SLC17A5: variants seen among roughly 807,000 people sequenced by gnomAD.
SLC17A5 encodes the protein sialin.
Under a neutral mutation model 59.4 loss-of-function variants are expected in SLC17A5, and 47 were observed. The ratio of observed to expected loss-of-function variants is 0.79; its 90% CI spans 0.63 to 1.01. SLC17A5 has a LOEUF of 1.01. SLC17A5 is among the 50% of genes least tolerant of loss of function. The probability of loss-of-function intolerance (pLI) is 0.00; values close to 1 mark genes in which losing one functional copy is unlikely to be tolerated. For missense variants in SLC17A5, 522 were observed against 595.5 expected, an observed-to-expected ratio of 0.88 and a Z score of 1.28; for synonymous variants, 202 against 210.7, an observed-to-expected ratio of 0.96 and a Z score of 0.36.
At chr6:73,595,261 A>G (rs1275314090) in intron 10 of SLC17A5, 47 bp from the exon 11 acceptor site, 3 of 1,601,936 alleles carry the variant, frequency 1.9e-6, no homozygotes, top group Non-Finnish European at 2.6e-6. Context: ...TTTTGTGTGT[A>G]GTTCACTTCA....
chr6:73,595,261 A>T, intron 10 of SLC17A5, 47 bp from the exon 11 acceptor site: 2 of 1,601,936 alleles, frequency 1.2e-6, no homozygotes, highest in Non-Finnish European at 1.7e-6. Flanking sequence ...TTTTGTGTGT[A>T]GTTCACTTCA....
rs1163170650 is a variant in SLC17A5 at position 73,632,434 on chromosome 6, C to CTTTTTTT, written c.819+2941_819+2947dup. 4.5e-4 allele frequency among the ~76,000 whole-genome samples: 39 copies of CTTTTTTT among 86,786 alleles called. 3 individuals are homozygous for CTTTTTTT. The highest frequency in any genetic ancestry group is 6.6e-4 in the Non-Finnish European group (29 of 43,762). 56.9% of individuals were successfully genotyped at this position (86,786 alleles called of 152,430 possible). On this transcript the variant is annotated intron_variant, in intron 6 of 10. Transcript: ENST00000355773. Reference sequence around the variant, plus strand: ...AAGACACATATCGATGTAGAGAAAGCTTTTTTTTTTTTTTTTTTTTTTTTT... The same window carrying CTTTTTTT: ...AAGACACATATCGATGTAGAGAAAGCTTTTTTTTTTTTTTTTTTTTTTTTTTTTTTTT...
chr6:73,599,828 C>T (rs1368506077), intron 10 of SLC17A5, among the ~76,000 whole-genome samples: 1 of 149,552 alleles, frequency 6.7e-6, no homozygotes, highest in Non-Finnish European at 1.5e-5. Context: ...GAGACGGAGT[C>T]TTGCTCTGTT....
At position 73,624,375 on chromosome 6, in the gene SLC17A5, G is replaced by A. The variant is rs186686569; in HGVS notation, c.820-2413C>T. ...GCTGAGATCACGCTACTGCACTCCC[G>A]CCTGGGCGACAGAGCGAGACTCTGT... On this transcript the variant is annotated intron_variant, in intron 6 of 10. Transcript: ENST00000355773. Among the ~76,000 whole-genome samples, 534 of 152,246 alleles carry A rather than the reference G, an allele frequency of 3.5e-3. 3 individuals are homozygous for A. The highest frequency in any genetic ancestry group is 0.012 in the African/African-American group (504 of 41,560).
chr6:73,636,729 TTTTA>T, intron 4 of SLC17A5, 22 bp from the exon 5 acceptor site: 1 of 1,527,396 alleles, frequency 6.5e-7, no homozygotes, highest in Middle Eastern at 1.7e-4. Context: ...CATAAGACTA[TTTTA>T]TAAACTTTGG....
At chr6:73,602,089 T>C (rs1372983124) in intron 9 of SLC17A5, among the ~76,000 whole-genome samples, 1 of 151,916 alleles carries the variant, frequency 6.6e-6, no homozygotes, top group Non-Finnish European at 1.5e-5. Flanking sequence ...TTTTGTTCTG[T>C]ACTAAGATAC....
intron 7 of SLC17A5, among the ~76,000 whole-genome samples, chr6:73,616,309 G>A (rs999748336): frequency 6.6e-6 from 1 of 151,950 alleles, no homozygotes; most frequent in Non-Finnish European, 1.5e-5. Flanking sequence ...CATTAACCTC[G>A]TTTTGGTGTA....
Position 73,653,908 on chromosome 6 carries a change from A to G in SLC17A5, c.-22T>C. Reference sequence around the variant, plus strand: ...TCATGACGCCTACGTGAGCAGGTGTACTCGCCACCTGGCAGAGAAGGGAGC... The same window carrying G: ...TCATGACGCCTACGTGAGCAGGTGTGCTCGCCACCTGGCAGAGAAGGGAGC... On this transcript the variant is annotated 5_prime_UTR_variant, in exon 1 of 11. Transcript: ENST00000355773. 2 of 1,583,626 alleles carry G rather than the reference A, an allele frequency of 1.3e-6. No individual in the cohort carries two copies. Among genetic ancestry groups the G allele is most frequent in the Non-Finnish European group, 1.7e-6 (2 of 1,162,630 alleles).
chr6:73,650,396 C>A (rs1769797555), intron 1 of SLC17A5, among the ~76,000 whole-genome samples: 1 of 148,656 alleles, frequency 6.7e-6, no homozygotes, highest in Admixed American at 6.8e-5. Context: ...GTAGTCCCAG[C>A]TACTCGGAGG....
At chr6:73,623,665 TA>T (rs1434563027) in intron 6 of SLC17A5, among the ~76,000 whole-genome samples, 14 of 18,698 alleles carry the variant, frequency 7.5e-4, no homozygotes, top group South Asian at 2.1e-3. Flanking sequence ...CTTTTATTTT[TA>T]TTTATTTATT....
At chr6:73,630,219 C>A (rs1261746227) in intron 6 of SLC17A5, among the ~76,000 whole-genome samples, 6 of 152,148 alleles carry the variant, frequency 3.9e-5, no homozygotes. Context: ...TCTCAAACTC[C>A]TGACCTCATG....
intron 1 of SLC17A5, among the ~76,000 whole-genome samples, chr6:73,649,208 G>T (rs1581993739): frequency 6.6e-6 from 1 of 152,158 alleles, no homozygotes; most frequent in African/African-American, 2.4e-5. Context: ...ATGTTAGCCA[G>T]GCTGGTCTCA....
chr6:73,640,816 TAAG>T (rs10604189), intron 3 of SLC17A5, among the ~76,000 whole-genome samples: 4,046 of 151,800 alleles, frequency 0.027, 165 homozygotes, highest in African/African-American at 0.092. Flanking sequence ...ATAAAACTAT[TAAG>T]AGGAGGGAAA....
At chr6:73,653,117 C>A in intron 1 of SLC17A5, 3 of 985,370 alleles carry the variant, frequency 3.0e-6, no homozygotes, top group Non-Finnish European at 3.6e-6. Flanking sequence ...TCATAGACTG[C>A]CAGACGGAAA....
At chr6:73,639,835 C>G (rs992812538) in intron 3 of SLC17A5, among the ~76,000 whole-genome samples, 5 of 152,096 alleles carry the variant, frequency 3.3e-5, no homozygotes, top group African/African-American at 1.2e-4. Flanking sequence ...CACTTGATGC[C>G]AGAAGTTCGA....
At chr6:73,627,811 T>C (rs1489032395) in intron 6 of SLC17A5, among the ~76,000 whole-genome samples, 1 of 151,852 alleles carries the variant, frequency 6.6e-6, no homozygotes, top group Admixed American at 6.6e-5. Context: ...GTATTTTTAG[T>C]AGAGACAGGG....
intron 6 of SLC17A5, among the ~76,000 whole-genome samples, chr6:73,628,235 G>GT (rs1238796477): frequency 6.6e-6 from 1 of 152,038 alleles, no homozygotes; most frequent in East Asian, 1.9e-4. Flanking sequence ...GTTCCTATTA[G>GT]AGGGCTACAT....
chr6:73,605,327 C>T (rs1767343514), intron 9 of SLC17A5, among the ~76,000 whole-genome samples: 1 of 152,152 alleles, frequency 6.6e-6, no homozygotes, highest in African/African-American at 2.4e-5. Context: ...CTTCATTTTT[C>T]ACCACAAGCC....
In SLC17A5 at chr6:73,619,888, A is replaced by T. The variant is rs181962722; in HGVS notation, c.978+1916T>A. Among the ~76,000 whole-genome samples the T allele has an allele frequency of 9.2e-5, 14 of 151,868 alleles. No individual in the cohort carries two copies. The East Asian group carries it at 2.7e-3, about 29-fold the overall frequency. On this transcript the variant is annotated intron_variant, in intron 7 of 10. Coordinates refer to ENST00000355773, the MANE Select transcript of SLC17A5 (RefSeq NM_012434.5). ...TCTTTAAATATACTTTATAAGTAAA[A>T]TAAGATATTTTGTTAATATGATTTT...
Sources: allele counts gnomAD v4.1 joint callset (sites outside exome capture counted in the v4.1 genomes callset), GRCh38; gene constraint gnomAD v4.1.1; transcripts MANE v1.5; gene names NCBI Gene and HGNC (gene_info 2026-07-23, HGNC 2026-07-21).